The following LYPD1 variants were observed in gnomAD, a reference collection of about 807,000 sequenced individuals.
LYPD1 encodes the protein LY6/PLAUR domain containing 1, also known as ly6/PLAUR domain-containing protein 1.
A neutral mutation model predicts 14.2 loss-of-function variants in LYPD1; 14 were observed. The observed-to-expected ratio is 0.99, with a 90% CI of 0.65 to 1.54. LYPD1 has a LOEUF of 1.54. Among genes scored for constraint, LYPD1 ranks in the 40% most tolerant of loss-of-function variants. The probability of loss-of-function intolerance (pLI) is 0.00; values close to 1 mark genes in which losing one functional copy is unlikely to be tolerated. For missense variants in LYPD1, 165 were observed against 175.7 expected (o/e 0.94, Z 0.34); for synonymous variants, 85 against 70.6 (o/e 1.20, Z -1.02).
At position 132,670,039 on chromosome 2, in the gene LYPD1, C is replaced by A. The variant is rs1446339676; in HGVS notation, c.-107G>T. On this transcript the variant is annotated 5_prime_UTR_variant, in exon 1 of 3. Coordinates refer to ENST00000397463, the MANE Select transcript of LYPD1 (RefSeq NM_144586.7). This position sits in a 1 kb window ranked among gnomAD's most constrained non-coding sequence, Gnocchi z 4.5. The stretch of plus-strand genomic sequence containing the variant: ...TGTGGCTGCCGAGGCTGCTGGGGCC[C>A]GCGCTGCTGCCGCGGAGACGACGGT... 6.5e-7 allele frequency: 1 copy of A among 1,548,484 alleles called. No homozygotes were observed. The highest frequency in any genetic ancestry group is 1.4e-5 in the African/African-American group (1 of 72,054).
chr2:132,660,297 C>T (rs75703287), intron 2 of LYPD1, among the ~76,000 whole-genome samples: 50 of 152,322 alleles, frequency 3.3e-4, no homozygotes, highest in Non-Finnish European at 5.6e-4. Flanking sequence ...CTTGAGCCAT[C>T]GCTGCTCTAT....
At chr2:132,646,375 C>T in intron 2 of LYPD1, 95 bp from the exon 3 acceptor site, 1 of 766,868 alleles carries the variant, frequency 1.3e-6, no homozygotes, top group Non-Finnish European at 1.9e-6. Flanking sequence ...CTCTTCCTTA[C>T]TCCTCCCACA....
upstream of LYPD1, among the ~76,000 whole-genome samples, chr2:132,670,994 G>A (rs910598218): frequency 3.3e-5 from 5 of 152,182 alleles, no homozygotes; most frequent in African/African-American, 9.6e-5. This position sits in a 1 kb window ranked among gnomAD's most constrained non-coding sequence, Gnocchi z 4.5. Flanking sequence ...GAAGAGGGTT[G>A]TTCTCCTCCA....
intron 2 of LYPD1, chr2:132,646,680 A>AT (rs1682108324): frequency 6.2e-6 from 1 of 160,814 alleles, no homozygotes; most frequent in Non-Finnish European, 1.3e-5. Flanking sequence ...ATTTTATCTC[A>AT]TTTTGCTTTA....
In LYPD1 at chr2:132,645,686, T is replaced by G. The variant is rs1682030283; in HGVS notation, c.*359A>C. On this transcript the variant is annotated 3_prime_UTR_variant, in exon 3 of 3. Coordinates refer to ENST00000397463, the MANE Select transcript of LYPD1 (RefSeq NM_144586.7). ...TCACTCTCACTCTGCAGTCTCAAACTATGCCCCCATCAGGGATGGAATGGA... is the reference window on the plus strand; with the variant it reads ...TCACTCTCACTCTGCAGTCTCAAACGATGCCCCCATCAGGGATGGAATGGA... 2.0e-6 allele frequency: 3 copies of G among 1,518,122 alleles called. No individual in the cohort carries two copies. Among genetic ancestry groups the G allele is most frequent in the Non-Finnish European group, 2.6e-6 (3 of 1,132,086 alleles). The allele number at this position is 1,518,122 out of a possible 1,614,324, so 94.0% of individuals were successfully genotyped here. A position where few individuals can be genotyped will look rare whatever the true frequency, so the allele number is the denominator to read the frequency against.
intron 2 of LYPD1, among the ~76,000 whole-genome samples, chr2:132,652,731 AC>A (rs541721121): frequency 1.2e-3 from 188 of 152,284 alleles, no homozygotes; most frequent in African/African-American, 4.5e-3. Flanking sequence ...TAATCAAGCC[AC>A]CCAGCGTTTA....
At chr2:132,657,651 C>T (rs1682677201) in intron 2 of LYPD1, among the ~76,000 whole-genome samples, 1 of 152,168 alleles carries the variant, frequency 6.6e-6, no homozygotes, top group South Asian at 2.1e-4. Context: ...TTTAGTTATA[C>T]TTTTGTATCT....
At chr2:132,665,527 A>G (rs1273346278) in intron 2 of LYPD1, among the ~76,000 whole-genome samples, 4 of 152,312 alleles carry the variant, frequency 2.6e-5, no homozygotes, top group African/African-American at 9.6e-5. Context: ...CTTTGCCTGG[A>G]CTATCTTTTC....
intron 2 of LYPD1, among the ~76,000 whole-genome samples, chr2:132,650,626 T>C (rs1454546372): frequency 1.3e-5 from 2 of 151,704 alleles, no homozygotes; most frequent in African/African-American, 4.9e-5. Context: ...CACAAAGCCA[T>C]AGAAGATGAT....
At chr2:132,658,810 C>A (rs1682753657) in intron 2 of LYPD1, among the ~76,000 whole-genome samples, 1 of 152,052 alleles carries the variant, frequency 6.6e-6, no homozygotes, top group Non-Finnish European at 1.5e-5. Flanking sequence ...GGGCATAAAA[C>A]CATGTGGGGG....
chr2:132,663,494 C>T (rs1371123499), intron 2 of LYPD1, among the ~76,000 whole-genome samples: 1 of 152,116 alleles, frequency 6.6e-6, no homozygotes, highest in Non-Finnish European at 1.5e-5. Context: ...AGGATGGTCT[C>T]AAACTCCTGA....
chr2:132,655,775 A>G (rs1245363523), intron 2 of LYPD1, among the ~76,000 whole-genome samples: 1 of 151,996 alleles, frequency 6.6e-6, no homozygotes, highest in African/African-American at 2.4e-5. Context: ...CAGCCTCCCA[A>G]AGTGCTGGGA....
rs929616785 is a variant in LYPD1 at position 132,644,824 on chromosome 2, A to T, written c.*1221T>A. 1.8e-5 allele frequency: 7 copies of T among 394,398 alleles called. No homozygotes were observed. Among genetic ancestry groups the T allele is most frequent in the South Asian group, 5.9e-5 (1 of 17,044 alleles). 24.4% of individuals were successfully genotyped at this position (394,398 alleles called of 1,614,324 possible). A position where few individuals can be genotyped will look rare whatever the true frequency, so the allele number is the denominator to read the frequency against. On this transcript the variant is annotated 3_prime_UTR_variant, in exon 3 of 3. Coordinates refer to ENST00000397463, the MANE Select transcript of LYPD1 (RefSeq NM_144586.7). ...CAAACACCAATGAAAACATTTTTTT[A>T]AAATTAACAGACATCAACTGGTATA...
Position 132,669,608 on chromosome 2 carries a change from C to T in LYPD1, c.52+273G>A, listed in dbSNP as rs946961515. Among the ~76,000 whole-genome samples the T allele has an allele frequency of 2.0e-5, 3 of 152,110 alleles. No individual in the cohort carries two copies. The highest frequency in any genetic ancestry group is 4.8e-5 in the African/African-American group (2 of 41,442). On this transcript the variant is annotated intron_variant, in intron 1 of 2. Transcript: ENST00000397463. This position sits in a 1 kb window ranked among gnomAD's most constrained non-coding sequence, Gnocchi z 4.3. ...GAACCCAGCACCGCTCGGACCCTCC[C>T]TCCTCTCAAGCCCAGCTTCTCCCGA...
rs759142965 is a variant in LYPD1, at chr2:132,669,989, C to G, written c.-57G>C. The G allele has an allele frequency of 6.3e-7, 1 of 1,595,756 alleles. No individual in the cohort carries two copies. The highest frequency in any genetic ancestry group is 8.5e-7 in the Non-Finnish European group (1 of 1,174,940). ...AGCGCATCAGAGGAGGCGACAGCAG[C>G]GGAGGCTGCCCCGGCTGCAGCGGCT... On this transcript the variant is annotated 5_prime_UTR_variant, in exon 1 of 3. Coordinates refer to ENST00000397463, the MANE Select transcript of LYPD1 (RefSeq NM_144586.7). The surrounding 1 kb of genome is among the most constrained non-coding windows in gnomAD (Gnocchi z 4.3).
In LYPD1 at chr2:132,656,999, A is replaced by G. The variant is rs1022772594; in HGVS notation, c.191-10719T>C. Among the ~76,000 whole-genome samples, 4 of 152,338 alleles carry G rather than the reference A, an allele frequency of 2.6e-5. No homozygotes were observed. The South Asian group carries it at 6.2e-4, about 24-fold the overall frequency. On this transcript the variant is annotated intron_variant, in intron 2 of 2. Coordinates refer to ENST00000397463, the MANE Select transcript of LYPD1 (RefSeq NM_144586.7). ...TCTGAAAACAACAGCCACATCCACA[A>G]TGAAATAGACATGAAACAAGATAAC...
rs1683556452 is a variant in LYPD1, at chr2:132,669,922, A to G, written c.11T>C (p.Leu4Pro). 1.9e-6 allele frequency: 3 copies of G among 1,612,786 alleles called. No homozygotes were observed. Among genetic ancestry groups the G allele is most frequent in the East Asian group, 2.2e-5 (1 of 44,750 alleles). The change falls in exon 1 of 3, where the codon CTA (leucine) becomes CCA (proline). Residue 4 changes from leucine to proline, a missense_variant. Coordinates refer to ENST00000397463, the MANE Select transcript of LYPD1 (RefSeq NM_144586.7). The surrounding 1 kb of genome is among the most constrained non-coding windows in gnomAD (Gnocchi z 4.3). Reference protein sequence around the residue: MWVLGIAATFCGLF... With the variant: MWVPGIAATFCGLF... ...TCCGCAAAAAGTTGCCGCGATGCCT[A>G]GGACCCACATTCTCCCGGAGTCCCG... is the stretch of plus-strand genomic sequence containing the variant.
intron 2 of LYPD1, chr2:132,666,724 G>T (rs1683293809): frequency 6.6e-6 from 1 of 152,188 alleles, no homozygotes; most frequent in Non-Finnish European, 1.5e-5. Context: ...TTTGAAAATG[G>T]AGTGTGTGGT....
rs1683596703 is a variant in LYPD1 at position 132,670,159 on chromosome 2, C to T, written c.-227G>A. On this transcript the variant is annotated 5_prime_UTR_variant, in exon 1 of 3. Transcript: ENST00000397463. This position sits in a 1 kb window ranked among gnomAD's most constrained non-coding sequence, Gnocchi z 4.5. ...GGTCTCTGCTCCTCCCGCTCGCGCT[C>T]CCGGGCCGAGCACCGCGCCTCCGGA... 1 of 1,354,190 alleles carries T rather than the reference C, an allele frequency of 7.4e-7. No individual in the cohort carries two copies. Among genetic ancestry groups the T allele is most frequent in the South Asian group, 1.7e-5 (1 of 59,572 alleles). The allele number at this position is 1,354,190 out of a possible 1,614,324, so 83.9% of individuals were successfully genotyped here.
Sources: gnomAD v4.1 joint callset for allele counts (sites outside exome capture counted in the v4.1 genomes callset) on GRCh38, gnomAD v4.1.1 for gene constraint, Gnocchi (gnomAD v3.1) non-coding constraint, MANE v1.5 for transcripts, NCBI Gene and HGNC (gene_info 2026-07-23, HGNC 2026-07-21) for gene names.